Variants in TBC1D23 observed in about 807,000 individuals in gnomAD.
The protein encoded by TBC1D23 is HCV non-structural protein 4A-transactivated protein 1.
In TBC1D23, 55 loss-of-function variants were observed where a neutral mutation model predicts 91.4. The ratio of observed to expected loss-of-function variants is 0.60; its 90% CI spans 0.48 to 0.75. The LOEUF (loss-of-function observed/expected upper bound fraction) is 0.75, where lower values mean the gene tolerates loss of function less well. TBC1D23 is among the 30% of genes least tolerant of loss of function. The probability of loss-of-function intolerance (pLI) is 0.00; values close to 1 mark genes in which losing one functional copy is unlikely to be tolerated. For synonymous variants in TBC1D23, 289 were observed against 281.0 expected, an observed-to-expected ratio of 1.03 and a Z score of -0.28; for missense variants, 725 against 836.1, an observed-to-expected ratio of 0.87 and a Z score of 1.64.
intron 2 of TBC1D23, among the ~76,000 whole-genome samples, chr3:100,280,257 A>G (rs1182682592): frequency 2.6e-5 from 4 of 152,122 alleles, no homozygotes; most frequent in Non-Finnish European, 5.9e-5. Context: ...AATGGTGTTT[A>G]TGAAAATTTT....
At position 100,283,791 on chromosome 3, in the gene TBC1D23, A is replaced by C. The variant is rs2067717194; in HGVS notation, c.456A>C (p.Ile152=). 6.2e-7 allele frequency: 1 copy of C among 1,608,986 alleles called. No homozygotes were observed. The highest frequency in any genetic ancestry group is 2.2e-5 in the East Asian group (1 of 44,850). The change falls in exon 4 of 19, where the codon ATA becomes ATC. Residue 152 remains isoleucine (I), a synonymous_variant. Coordinates refer to ENST00000394144, the MANE Select transcript of TBC1D23 (RefSeq NM_001199198.3). ...RSDLYNCFYA[I]MNKYIPRDCS... is the part of the protein sequence containing the mutation. Reference sequence around the variant, plus strand: ...ATTTATACAACTGCTTTTATGCCATAATGAATAAGTACATTCCCAGGTAAA... The same window carrying C: ...ATTTATACAACTGCTTTTATGCCATCATGAATAAGTACATTCCCAGGTAAA...
chr3:100,323,811 T>A lies in TBC1D23; in HGVS notation c.*143T>A, dbSNP rs1705907197. ...AGGTCTAAGAAAGTGTAAATTATTATAATCAATCTGTGGACAGTAAACTTT... is the reference window on the plus strand; with the variant it reads ...AGGTCTAAGAAAGTGTAAATTATTAAAATCAATCTGTGGACAGTAAACTTT... On this transcript the variant is annotated 3_prime_UTR_variant, in exon 19 of 19. Transcript: ENST00000394144. 1 of 322,608 alleles carries A rather than the reference T, an allele frequency of 3.1e-6. No individual in the cohort carries two copies. Among genetic ancestry groups the A allele is most frequent in the Non-Finnish European group, 5.7e-6 (1 of 175,830 alleles). 20.0% of individuals were successfully genotyped at this position (322,608 alleles called of 1,614,324 possible). A position where few individuals can be genotyped will look rare whatever the true frequency, so the allele number is the denominator to read the frequency against.
At chr3:100,272,692 G>A (rs2067609870) in intron 1 of TBC1D23, among the ~76,000 whole-genome samples, 1 of 152,352 alleles carries the variant, frequency 6.6e-6, no homozygotes, top group South Asian at 2.1e-4. Flanking sequence ...GTGTTTCTCA[G>A]AGAGGGGGAT....
chr3:100,282,398 T>C (rs539320251), intron 3 of TBC1D23, among the ~76,000 whole-genome samples: 2 of 152,330 alleles, frequency 1.3e-5, no homozygotes, highest in East Asian at 3.8e-4. Context: ...TTTGTTGTAG[T>C]CTTAAATTTG....
chr3:100,316,781 C>T (rs1705754367), intron 16 of TBC1D23, among the ~76,000 whole-genome samples: 1 of 151,912 alleles, frequency 6.6e-6, no homozygotes, highest in African/African-American at 2.4e-5. Flanking sequence ...TTTATCTTCT[C>T]TGTGGTTATG....
chr3:100,311,685 T>C, intron 14 of TBC1D23, 148 bp from the exon 15 acceptor site: 1 of 553,514 alleles, frequency 1.8e-6, no homozygotes, highest in Non-Finnish European at 3.1e-6. Flanking sequence ...TTTCTTTGTT[T>C]TTCTTTGTAC....
At chr3:100,311,683 T>A in intron 14 of TBC1D23, 150 bp from the exon 15 acceptor site, 1 of 552,314 alleles carries the variant, frequency 1.8e-6, no homozygotes, top group Non-Finnish European at 3.1e-6. Context: ...CTTTTCTTTG[T>A]TTTTCTTTGT....
intron 18 of TBC1D23, 92 bp from the exon 19 acceptor site, chr3:100,323,495 C>A: frequency 1.8e-6 from 1 of 563,598 alleles, no homozygotes; most frequent in Non-Finnish European, 2.5e-6. Context: ...GGTGACCTAT[C>A]AGCTGAGTCT....
intron 4 of TBC1D23, among the ~76,000 whole-genome samples, chr3:100,286,898 C>T (rs998799983): frequency 5.9e-5 from 9 of 152,156 alleles, no homozygotes; most frequent in Admixed American, 5.9e-4. Flanking sequence ...TCAGTGCAAC[C>T]TCCGCCTCCC....
chr3:100,321,574 C>T (rs1705858777), intron 18 of TBC1D23, among the ~76,000 whole-genome samples: 6 of 152,192 alleles, frequency 3.9e-5, no homozygotes, highest in Admixed American at 3.9e-4. Context: ...TTCCTGACTC[C>T]TGATTTGTGG....
In TBC1D23 at chr3:100,290,642, G is replaced by A. The variant is rs761911764; in HGVS notation, c.541G>A (p.Glu181Lys). 2 of 1,612,974 alleles carry A rather than the reference G, an allele frequency of 1.2e-6. No homozygotes were observed. Among genetic ancestry groups the A allele is most frequent in the Admixed American group, 3.3e-5 (2 of 60,010 alleles). Residue 181 changes from glutamate to lysine, a missense_variant, in exon 5 of 19, where the codon GAG becomes AAG. By Grantham distance (56) the Glu-to-Lys change is moderately conservative. Transcript: ENST00000394144. ...GTTGCTCATCCAATACCATGAGCCT[G>A]AGCTTTGTTCTTATCTTGATACAAA... Reference protein sequence around the residue: ...FRLLIQYHEPELCSYLDTKKI... With the variant: ...FRLLIQYHEPKLCSYLDTKKI...
chr3:100,316,626 A>G (rs987720077), intron 16 of TBC1D23, among the ~76,000 whole-genome samples: 1 of 152,072 alleles, frequency 6.6e-6, no homozygotes, highest in Non-Finnish European at 1.5e-5. Flanking sequence ...CTTTGATCAG[A>G]TTGAAATTCC....
chr3:100,265,297 G>A (rs2067549081), intron 1 of TBC1D23, among the ~76,000 whole-genome samples: 4 of 152,170 alleles, frequency 2.6e-5, no homozygotes, highest in Admixed American at 6.5e-5. Context: ...GTGAGCTGTG[G>A]AATTGTCTGT....
Position 100,306,401 on chromosome 3 carries a change from T to A in TBC1D23, c.1307-36T>A, listed in dbSNP as rs1377704016. On this transcript the variant is annotated intron_variant, in intron 12 of 18. Coordinates refer to ENST00000394144, the MANE Select transcript of TBC1D23 (RefSeq NM_001199198.3). Reference sequence around the variant, plus strand: ...TGAATTTTTCCAAAGAGTGTTGATATTTTAGGTTTTTCTTTTTTTTTTAAT... The same window carrying A: ...TGAATTTTTCCAAAGAGTGTTGATAATTTAGGTTTTTCTTTTTTTTTTAAT... 3.2e-6 allele frequency: 4 copies of A among 1,255,014 alleles called. 1 individual carries two copies. In the East Asian group the frequency reaches 9.3e-5, roughly 29 times the overall value. 77.7% of individuals were successfully genotyped at this position (1,255,014 alleles called of 1,614,324 possible).
rs778100783 is a variant in TBC1D23 at position 100,295,348 on chromosome 3, A to G, written c.772A>G (p.Lys258Glu). 12 of 1,605,684 alleles carry G rather than the reference A, an allele frequency of 7.5e-6. No homozygotes were observed. Among genetic ancestry groups the G allele is most frequent in the Non-Finnish European group, 1.0e-5 (12 of 1,175,674 alleles). Residue 258 changes from lysine (K) to glutamate (E), a missense_variant and splice_region_variant, in exon 7 of 19, where the codon AAG becomes GAG. By Grantham distance (56) the Lys-to-Glu change is moderately conservative. Coordinates refer to ENST00000394144, the MANE Select transcript of TBC1D23 (RefSeq NM_001199198.3). ...QESDSKEEVI[K>E]FLENTPSSLN... ...GTCAGACAGCAAAGAAGAAGTTATC[A>G]GTAAGTATCATTTAATGTAGTGAAA...
intron 1 of TBC1D23, among the ~76,000 whole-genome samples, chr3:100,263,459 A>G (rs897802909): frequency 6.6e-5 from 10 of 152,250 alleles, no homozygotes; most frequent in African/African-American, 2.4e-4. Context: ...TGACAGTAAC[A>G]GCATAAGCAA....
intron 5 of TBC1D23, among the ~76,000 whole-genome samples, chr3:100,291,030 TATATC>T (rs1243612755): frequency 6.6e-6 from 1 of 152,230 alleles, no homozygotes; most frequent in Admixed American, 6.5e-5. Context: ...ATATGATACA[TATATC>T]AGTTCAATTG....
chr3:100,296,177 T>G lies in TBC1D23; in HGVS notation c.778T>G (p.Leu260Val). The G allele has an allele frequency of 6.4e-7, 1 of 1,553,972 alleles. No homozygotes were observed. The highest frequency in any genetic ancestry group is 1.7e-4 in the Middle Eastern group (1 of 5,818). ...TTATGTCTATAATATTTCAGAGTTC[T>G]TGGAAAATACTCCATCCAGTCTGAA... is the stretch of plus-strand genomic sequence containing the variant. ...SDSKEEVIKF[L>V]ENTPSSLNIE... is the part of the protein sequence containing the mutation. The change falls in exon 8 of 19, where the codon TTG becomes GTG. Residue 260 changes from leucine (L) to valine (V), a missense_variant. Coordinates refer to ENST00000394144, the MANE Select transcript of TBC1D23 (RefSeq NM_001199198.3).
intron 1 of TBC1D23, 141 bp downstream of exon 1, chr3:100,261,212 T>G: frequency 2.6e-6 from 2 of 757,920 alleles, no homozygotes; most frequent in Non-Finnish European, 4.3e-6. Context: ...GCCCTACCCC[T>G]CTGCCAGCTG....
Sources: allele counts gnomAD v4.1 joint callset (sites outside exome capture counted in the v4.1 genomes callset), GRCh38; gene constraint gnomAD v4.1.1; transcripts MANE v1.5; gene names NCBI Gene and HGNC (gene_info 2026-07-23, HGNC 2026-07-21).